The following RERE variants were observed in gnomAD, a reference collection of about 807,000 sequenced individuals.
The protein encoded by RERE is arginine-glutamic acid dipeptide repeats protein.
In RERE, 40 loss-of-function variants were observed where a neutral mutation model predicts 146.1. The ratio of observed to expected loss-of-function variants is 0.27; its 90% CI spans 0.21 to 0.36. RERE has a LOEUF of 0.36. Among genes scored for constraint, RERE ranks in the 10% least tolerant of loss-of-function variants. RERE has a pLI of 1.00. For synonymous variants in RERE, 1,003 were observed against 866.0 expected, an observed-to-expected ratio of 1.16 and a Z score of -2.78; for missense variants, 1,933 against 2,138.7, an observed-to-expected ratio of 0.90 and a Z score of 1.90.
At chr1:8,378,188 C>T (rs1642325815) in intron 12 of RERE, among the ~76,000 whole-genome samples, 2 of 152,158 alleles carry the variant, frequency 1.3e-5, no homozygotes, top group Admixed American at 6.5e-5. Flanking sequence ...AGTACAGTAC[C>T]GTACCCTCTT....
At chr1:8,793,298 T>C (rs978647254) in intron 1 of RERE, among the ~76,000 whole-genome samples, 4 of 151,864 alleles carry the variant, frequency 2.6e-5, no homozygotes, top group African/African-American at 9.7e-5. Flanking sequence ...AGGCCTAAAT[T>C]TCTAAGGCTC....
chr1:8,635,761 C>T (rs1054153668), intron 2 of RERE, among the ~76,000 whole-genome samples: 10 of 152,244 alleles, frequency 6.6e-5, no homozygotes, highest in Admixed American at 1.3e-4. Flanking sequence ...ATGAAGGATT[C>T]TATAAGGAAA....
intron 1 of RERE, among the ~76,000 whole-genome samples, chr1:8,797,688 A>C (rs1641504648): frequency 6.6e-6 from 1 of 152,238 alleles, no homozygotes; most frequent in African/African-American, 2.4e-5. Flanking sequence ...CACCTCTTGC[A>C]GTTGGAAATC....
At chr1:8,728,314 ACTTT>A (rs1640012267) in intron 1 of RERE, among the ~76,000 whole-genome samples, 1 of 152,152 alleles carries the variant, frequency 6.6e-6, no homozygotes, top group African/African-American at 2.4e-5. Context: ...ATAACTTGAA[ACTTT>A]CTATCATTCT....
At chr1:8,398,737 T>C (rs1322305648) in intron 12 of RERE, among the ~76,000 whole-genome samples, 1 of 152,208 alleles carries the variant, frequency 6.6e-6, no homozygotes, top group Non-Finnish European at 1.5e-5. Context: ...TGATGACCAG[T>C]TGGGTATGCA....
chr1:8,757,869 G>T (rs1368671273), intron 1 of RERE, among the ~76,000 whole-genome samples: 1 of 151,316 alleles, frequency 6.6e-6, no homozygotes, highest in Non-Finnish European at 1.5e-5. Flanking sequence ...CAGATGAATG[G>T]ATAAAGTCAC....
At position 8,360,349 on chromosome 1, in the gene RERE, G is replaced by A. The variant is rs1641510834; in HGVS notation, c.3158C>T (p.Pro1053Leu). ...GPPPITPPTC[P>L]STSTPPAGPG... is the part of the protein sequence containing the mutation. ...TCCCGCCGGTGGGGTAGAGGTGGAG[G>A]GGCAGGTCGGAGGGGTGATGGGAGG... Residue 1053 changes from proline to leucine, a missense_variant, in exon 18 of 23, where the codon CCC (proline) becomes CTC (leucine). This residue lies in a region of RERE where 1,255 missense variants were observed against 1,153.8 expected (regional missense o/e 1.09). Coordinates refer to ENST00000400908, the MANE Select transcript of RERE (RefSeq NM_001042681.2). 4 of 1,500,780 alleles carry A rather than the reference G, an allele frequency of 2.7e-6. No homozygotes were observed. The highest frequency in any genetic ancestry group is 3.6e-6 in the Non-Finnish European group (4 of 1,122,196). The allele number at this position is 1,500,780 out of a possible 1,614,324, so 93.0% of individuals were successfully genotyped here.
chr1:8,792,977 T>C (rs942792918), intron 1 of RERE, among the ~76,000 whole-genome samples: 3 of 151,770 alleles, frequency 2.0e-5, no homozygotes, highest in African/African-American at 7.3e-5. Context: ...GCCAACACGG[T>C]GAAACCCCGT....
intron 2 of RERE, among the ~76,000 whole-genome samples, chr1:8,652,827 A>T (rs1350089513): frequency 6.6e-6 from 1 of 152,160 alleles, no homozygotes; most frequent in Non-Finnish European, 1.5e-5. Flanking sequence ...CACACAGCCA[A>T]ATCATTATCA....
chr1:8,368,640 C>T (rs1373719577), intron 12 of RERE, among the ~76,000 whole-genome samples: 1 of 152,132 alleles, frequency 6.6e-6, no homozygotes, highest in East Asian at 1.9e-4. Context: ...AAGCAGCAAC[C>T]TGACTTTTCT....
chr1:8,405,621 CT>C (rs1643417132), intron 12 of RERE, among the ~76,000 whole-genome samples: 1 of 152,182 alleles, frequency 6.6e-6, no homozygotes. Context: ...GTGGCCATCT[CT>C]TAGTGATGGA....
At chr1:8,397,013 A>T (rs1320132895) in intron 12 of RERE, among the ~76,000 whole-genome samples, 3 of 152,234 alleles carry the variant, frequency 2.0e-5, no homozygotes, top group Admixed American at 2.0e-4. Context: ...CAGTTATCTC[A>T]GGCAAAATGT....
intron 2 of RERE, among the ~76,000 whole-genome samples, chr1:8,650,023 G>A (rs1006306053): frequency 2.0e-5 from 3 of 152,126 alleles, no homozygotes; most frequent in Non-Finnish European, 2.9e-5. Flanking sequence ...GTGTGTTACC[G>A]AGACGAGAAG....
At chr1:8,788,390 G>A (rs1641298345) in intron 1 of RERE, among the ~76,000 whole-genome samples, 1 of 145,930 alleles carries the variant, frequency 6.9e-6, no homozygotes, top group African/African-American at 2.5e-5. Context: ...TTGAGACGGA[G>A]TCTTCCTCTT....
intron 1 of RERE, among the ~76,000 whole-genome samples, chr1:8,741,263 T>C (rs1486579178): frequency 6.6e-6 from 1 of 152,206 alleles, no homozygotes; most frequent in Admixed American, 6.5e-5. Context: ...ATTCATACTT[T>C]TACCTCTATG....
chr1:8,426,381 G>A (rs1445319777), intron 11 of RERE, among the ~76,000 whole-genome samples: 1 of 151,586 alleles, frequency 6.6e-6, no homozygotes, highest in African/African-American at 2.4e-5. Flanking sequence ...GTCAACCCGG[G>A]AGGCGCAGCT....
At chr1:8,380,879 G>A (rs1642423090) in intron 12 of RERE, 1 of 456,744 alleles carries the variant, frequency 2.2e-6, no homozygotes, top group African/African-American at 2.0e-5. Context: ...TCCTGAAAGT[G>A]CTCAGCGCTG....
chr1:8,488,246 A>T (rs538749875), intron 10 of RERE, among the ~76,000 whole-genome samples: 3 of 152,102 alleles, frequency 2.0e-5, no homozygotes, highest in East Asian at 3.9e-4. Flanking sequence ...TTTATTTTTT[A>T]TTATTATTAT....
rs192407271 is a variant in RERE at position 8,814,875 on chromosome 1, C to T, written c.-145+2285G>A. Reference sequence around the variant, plus strand: ...AGTGTAAATACTTCTGGTAACAGAACAAATTAATGTCGAAGCACAACCAGT... The same window carrying T: ...AGTGTAAATACTTCTGGTAACAGAATAAATTAATGTCGAAGCACAACCAGT... On this transcript the variant is annotated intron_variant, in intron 1 of 22. Coordinates refer to ENST00000400908, the MANE Select transcript of RERE (RefSeq NM_001042681.2). Among the ~76,000 whole-genome samples, 389 of 152,262 alleles carry T rather than the reference C, an allele frequency of 2.6e-3. 1 individual carries two copies. Among genetic ancestry groups the T allele is most frequent in the African/African-American group, 8.9e-3 (370 of 41,548 alleles).
Sources: gnomAD v4.1 joint callset for allele counts (sites outside exome capture counted in the v4.1 genomes callset) on GRCh38, gnomAD v4.1.1 for gene constraint, gnomAD v4.1.1 regional missense constraint, MANE v1.5 for transcripts, NCBI Gene and HGNC (gene_info 2026-07-23, HGNC 2026-07-21) for gene names.